The following IGF1R variants were observed in gnomAD, a reference collection of about 807,000 sequenced individuals.
The protein encoded by IGF1R is insulin-like growth factor 1 receptor.
Under a neutral mutation model 144.6 loss-of-function variants are expected in IGF1R, and 44 were observed. The observed-to-expected ratio is 0.30, with a 90% CI of 0.24 to 0.39. The LOEUF (loss-of-function observed/expected upper bound fraction) is 0.39, where lower values mean the gene tolerates loss of function less well. Ranked by LOEUF, IGF1R falls within the 10% of genes least tolerant of loss-of-function variation. IGF1R has a pLI of 1.00. For missense variants in IGF1R, 1,355 were observed against 1,833.7 expected (o/e 0.74, Z 4.77); for synonymous variants, 795 against 722.8 (o/e 1.10, Z -1.60).
At chr15:98,943,740 A>G (rs561428503) in intron 19 of IGF1R, among the ~76,000 whole-genome samples, 1 of 152,378 alleles carries the variant, frequency 6.6e-6, no homozygotes, top group East Asian at 1.9e-4. Flanking sequence ...GCCCTGGCAC[A>G]GGCACCTTCT....
chr15:98,829,155 G>A (rs537371231), intron 2 of IGF1R, among the ~76,000 whole-genome samples: 2 of 152,214 alleles, frequency 1.3e-5, no homozygotes, highest in African/African-American at 2.4e-5. Flanking sequence ...TACCAAGTCC[G>A]GCTGAAAGAG....
intron 1 of IGF1R, among the ~76,000 whole-genome samples, chr15:98,652,903 T>C (rs183886587): frequency 2.0e-5 from 3 of 151,656 alleles, no homozygotes; most frequent in African/African-American, 4.9e-5. Context: ...TCGGGGACTT[T>C]AATGGTATGT....
intron 18 of IGF1R, among the ~76,000 whole-genome samples, chr15:98,940,218 C>T (rs1239487372): frequency 2.0e-5 from 3 of 152,202 alleles, no homozygotes; most frequent in East Asian, 1.9e-4. Context: ...AAATATTTAT[C>T]CTGAGAAACT....
chr15:98,699,059 C>T (rs1238318222), intron 1 of IGF1R, among the ~76,000 whole-genome samples: 11 of 152,298 alleles, frequency 7.2e-5, no homozygotes, highest in Non-Finnish European at 1.6e-4. Context: ...AGGACATTTG[C>T]CTGGTTCTGA....
chr15:98,697,746 T>C (rs2053627675), intron 1 of IGF1R, among the ~76,000 whole-genome samples: 1 of 61,454 alleles, frequency 1.6e-5, no homozygotes. Flanking sequence ...CATCTTAACT[T>C]TTTTTTATTG....
chr15:98,724,701 G>A (rs1281067433), intron 2 of IGF1R, among the ~76,000 whole-genome samples: 1 of 152,228 alleles, frequency 6.6e-6, no homozygotes, highest in African/African-American at 2.4e-5. Flanking sequence ...GTGCTCTGAT[G>A]TAGAAAGCAA....
At chr15:98,865,341 C>A (rs1319702124) in intron 2 of IGF1R, among the ~76,000 whole-genome samples, 1 of 152,216 alleles carries the variant, frequency 6.6e-6, no homozygotes, top group East Asian at 1.9e-4. Flanking sequence ...TGGACTAATT[C>A]CTAAAATATC....
intron 1 of IGF1R, among the ~76,000 whole-genome samples, chr15:98,677,125 C>T (rs1280673000): frequency 6.6e-6 from 1 of 151,836 alleles, no homozygotes; most frequent in Non-Finnish European, 1.5e-5. Flanking sequence ...CTTTTAGGGG[C>T]AGGATCTTGC....
chr15:98,688,639 A>G (rs7170035), intron 1 of IGF1R, among the ~76,000 whole-genome samples: 29,868 of 151,710 alleles, frequency 0.2, 3,115 homozygotes, highest in Non-Finnish European at 0.22. Flanking sequence ...AAGTCACCCA[A>G]TTGCTCTTAA....
At position 98,916,901 on chromosome 15, in the gene IGF1R, G is replaced by T. The variant is rs188306983; in HGVS notation, c.2201+25G>T. The T allele has an allele frequency of 5.7e-5, 91 of 1,609,530 alleles. No homozygotes were observed. In the African/African-American group the frequency reaches 1.1e-3, roughly 19 times the overall value. ...GGTACCCAGCTCATGTGAAATTTCAGTTGGCAAAACCCACTGCTCAGGCCG... is the reference window on the plus strand; with the variant it reads ...GGTACCCAGCTCATGTGAAATTTCATTTGGCAAAACCCACTGCTCAGGCCG... On this transcript the variant is annotated intron_variant, in intron 10 of 20. Coordinates refer to ENST00000650285, the MANE Select transcript of IGF1R (RefSeq NM_000875.5).
chr15:98,797,316 G>A (rs1299430369), intron 2 of IGF1R, among the ~76,000 whole-genome samples: 4 of 152,222 alleles, frequency 2.6e-5, no homozygotes, highest in African/African-American at 9.6e-5. Context: ...CCAGGCAGCT[G>A]TGATGACTGC....
At chr15:98,692,689 A>G (rs1195356419) in intron 1 of IGF1R, among the ~76,000 whole-genome samples, 3 of 152,208 alleles carry the variant, frequency 2.0e-5, no homozygotes, top group African/African-American at 7.2e-5. Flanking sequence ...TAAGGAATCA[A>G]AGCCATTATC....
At position 98,689,204 on chromosome 15, in the gene IGF1R, A is replaced by G. The variant is rs910362974; in HGVS notation, c.95-18358A>G. On this transcript the variant is annotated intron_variant, in intron 1 of 20. Coordinates refer to ENST00000650285, the MANE Select transcript of IGF1R (RefSeq NM_000875.5). ...TTGGTTGGTTTTTGGCGTCCTTTTC[A>G]AGGACAAGCAGCTTTGGACAGTTGC... Among the ~76,000 whole-genome samples, 7 of 150,524 alleles carry G rather than the reference A, an allele frequency of 4.7e-5. No individual in the cohort carries two copies. In the South Asian group the frequency reaches 1.5e-3, roughly 32 times the overall value.
At chr15:98,849,038 A>C (rs182181662) in intron 2 of IGF1R, among the ~76,000 whole-genome samples, 6 of 151,566 alleles carry the variant, frequency 4.0e-5, no homozygotes, top group Non-Finnish European at 7.3e-5. Flanking sequence ...ATCCAAATAC[A>C]ACAGATTTTT....
chr15:98,774,241 T>C (rs1168030228), intron 2 of IGF1R, among the ~76,000 whole-genome samples: 1 of 152,176 alleles, frequency 6.6e-6, no homozygotes, highest in East Asian at 1.9e-4. Context: ...TTAAGTCACG[T>C]TGGCTACAGC....
At chr15:98,868,022 G>A (rs1414018026) in intron 2 of IGF1R, among the ~76,000 whole-genome samples, 1 of 152,094 alleles carries the variant, frequency 6.6e-6, no homozygotes, top group Non-Finnish European at 1.5e-5. Flanking sequence ...CCAACGTGAC[G>A]AAACCCCGTC....
At chr15:98,816,389 T>G (rs973079732) in intron 2 of IGF1R, among the ~76,000 whole-genome samples, 4 of 152,346 alleles carry the variant, frequency 2.6e-5, no homozygotes, top group African/African-American at 9.6e-5. Flanking sequence ...AGATCCCCCT[T>G]TTCAGGGAGC....
chr15:98,852,843 T>G (rs2011596099), intron 2 of IGF1R, among the ~76,000 whole-genome samples: 1 of 152,220 alleles, frequency 6.6e-6, no homozygotes, highest in Non-Finnish European at 1.5e-5. Flanking sequence ...CCGTCCTCCC[T>G]TCCCCCGGCA....
At chr15:98,751,923 T>G (rs1290546517) in intron 2 of IGF1R, among the ~76,000 whole-genome samples, 3 of 152,240 alleles carry the variant, frequency 2.0e-5, no homozygotes, top group African/African-American at 7.2e-5. Flanking sequence ...CAAGTCAGTC[T>G]TCTGTATAAA....
Sources: gnomAD v4.1 joint callset for allele counts (sites outside exome capture counted in the v4.1 genomes callset) on GRCh38, gnomAD v4.1.1 for gene constraint, MANE v1.5 for transcripts, NCBI Gene and HGNC (gene_info 2026-07-23, HGNC 2026-07-21) for gene names.